SPAG11A: variants seen among roughly 807,000 people sequenced by gnomAD.
The protein encoded by SPAG11A is sperm associated antigen 11A.
A neutral mutation model predicts 5.5 loss-of-function variants in SPAG11A; 2 were observed. The observed-to-expected ratio is 0.37, with a 90% CI of 0.15 to 1.15. The LOEUF is 1.15. Ranked by LOEUF, SPAG11A falls within the 50% of genes most tolerant of loss-of-function variation. The probability of loss-of-function intolerance (pLI) is 0.38; values close to 1 mark genes in which losing one functional copy is unlikely to be tolerated. For missense variants in SPAG11A, 24 were observed against 122.5 expected (o/e 0.20, Z 3.80); for synonymous variants, 11 against 42.7 (o/e 0.26, Z 2.90).
downstream of SPAG11A, among the ~76,000 whole-genome samples, chr8:7,863,213 A>ATTTTT (rs869056010): frequency 0.076 from 570 of 7,546 alleles, 195 homozygotes; most frequent in East Asian, 0.16. Flanking sequence ...TGCAGATGGG[A>ATTTTT]TTTTTTTTTT....
chr8:7,860,506 C>T, intron 2 of SPAG11A, 140 bp from the exon 3 acceptor site: 4 of 1,356,778 alleles, frequency 2.9e-6, no homozygotes, highest in Non-Finnish European at 3.9e-6. Context: ...AGCTAAGAGG[C>T]CAAAGTTCGG....
At chr8:7,854,778 TAA>T (rs1422310560) in intron 2 of SPAG11A, among the ~76,000 whole-genome samples, 5 of 79,032 alleles carry the variant, frequency 6.3e-5, no homozygotes, top group African/African-American at 2.1e-4. Flanking sequence ...TTACAGACGT[TAA>T]AAAAACAAAT....
Position 7,858,185 on chromosome 8 carries a change from C to G in SPAG11A, c.215-2461C>G, listed in dbSNP as rs1405268553. 5.2e-5 allele frequency among the ~76,000 whole-genome samples: 5 copies of G among 96,592 alleles called. 2 individuals carry two copies. Among genetic ancestry groups the G allele is most frequent in the Non-Finnish European group, 7.9e-5 (3 of 37,902 alleles). 63.4% of individuals were successfully genotyped at this position (96,592 alleles called of 152,430 possible). A position where few individuals can be genotyped will look rare whatever the true frequency, so the allele number is the denominator to read the frequency against. ...GAGAGAAGACATCCTTCTCTCTTGC[C>G]CCTTTTGCTTAAGAGAATTTTAAGG... On this transcript the variant is annotated intron_variant, in intron 2 of 2. Coordinates refer to ENST00000642566, the Ensembl canonical transcript of SPAG11A.
At chr8:7,860,177 G>C (rs1479721486) in intron 2 of SPAG11A, among the ~76,000 whole-genome samples, 2 of 148,784 alleles carry the variant, frequency 1.3e-5, no homozygotes, top group African/African-American at 4.9e-5. Flanking sequence ...CAAGCCCACA[G>C]GTCCTGGTGA....
intron 2 of SPAG11A, among the ~76,000 whole-genome samples, chr8:7,858,349 A>G (rs879226616): frequency 4.6e-5 from 5 of 107,576 alleles, no homozygotes; most frequent in Non-Finnish European, 1.1e-4. Context: ...TGTTTTCACA[A>G]CTCCCAGCAC....
At chr8:7,852,604 A>G (rs1447761666) in intron 2 of SPAG11A, among the ~76,000 whole-genome samples, 4 of 152,112 alleles carry the variant, frequency 2.6e-5, no homozygotes, top group East Asian at 1.9e-4. Context: ...AAGTGCTGGA[A>G]TTACAGGCGT....
At chr8:7,852,519 G>C (rs1334249102) in intron 2 of SPAG11A, among the ~76,000 whole-genome samples, 1 of 152,166 alleles carries the variant, frequency 6.6e-6, no homozygotes, top group East Asian at 1.9e-4. Flanking sequence ...TTTTAGTAGA[G>C]ACGGGGTTTC....
chr8:7,862,654 G>A (rs1347917198), downstream of SPAG11A, among the ~76,000 whole-genome samples: 4 of 13,516 alleles, frequency 3.0e-4, no homozygotes, highest in African/African-American at 3.1e-4. Flanking sequence ...GTAAGGCATG[G>A]TAAAAAAACT....
downstream of SPAG11A, among the ~76,000 whole-genome samples, chr8:7,863,211 G>A (rs374112845): frequency 1.3e-4 from 2 of 15,488 alleles, no homozygotes; most frequent in East Asian, 4.1e-3. Context: ...CCTGCAGATG[G>A]GATTTTTTTT....
rs1429827294 is a variant in SPAG11A, at chr8:7,852,268, T to C, written c.214+3425T>C. Reference sequence around the variant, plus strand: ...TCTTTTGTTTATTGATCATTTTTTCTCTTCTGTAAAATTTAATAGTTTTAC... The same window carrying C: ...TCTTTTGTTTATTGATCATTTTTTCCCTTCTGTAAAATTTAATAGTTTTAC... On this transcript the variant is annotated intron_variant, in intron 2 of 2. Transcript: ENST00000642566. Among the ~76,000 whole-genome samples, 4 of 152,354 alleles carry C rather than the reference T, an allele frequency of 2.6e-5. No homozygotes were observed. In the South Asian group the frequency reaches 6.2e-4, roughly 24 times the overall value.
At position 7,860,558 on chromosome 8, in the gene SPAG11A, T is replaced by C; in HGVS notation, c.215-88T>C. ...CCAAAAATACTTAGCCTTGTCAGAA[T>C]ATATAACCCTTGGCAGTGGGCTGGG... On this transcript the variant is annotated intron_variant, in intron 2 of 2. Transcript: ENST00000642566. 13 of 1,370,832 alleles carry C rather than the reference T, an allele frequency of 9.5e-6. 2 individuals carry two copies. The highest frequency in any genetic ancestry group is 1.3e-5 in the Non-Finnish European group (13 of 1,023,576). 84.9% of individuals were successfully genotyped at this position (1,370,832 alleles called of 1,614,324 possible).
chr8:7,859,973 A>T (rs1296881730), intron 2 of SPAG11A, among the ~76,000 whole-genome samples: 1 of 149,494 alleles, frequency 6.7e-6, no homozygotes, highest in Non-Finnish European at 1.5e-5. Flanking sequence ...TGGAGGTTGG[A>T]TGTTGTGCAA....
intron 2 of SPAG11A, among the ~76,000 whole-genome samples, chr8:7,852,611 G>A (rs1240701726): frequency 3.3e-5 from 5 of 152,214 alleles, no homozygotes; most frequent in Admixed American, 2.6e-4. Context: ...GGAATTACAG[G>A]CGTGAGCCAC....
chr8:7,862,032 A>G (rs1311193821), downstream of SPAG11A, among the ~76,000 whole-genome samples: 1 of 103,052 alleles, frequency 9.7e-6, no homozygotes, highest in Non-Finnish European at 2.2e-5. Context: ...TAGAGGGGAG[A>G]GCCATTGTTC....
downstream of SPAG11A, chr8:7,861,125 A>G (rs1345284262): frequency 4.3e-5 from 14 of 327,628 alleles, no homozygotes; most frequent in African/African-American, 2.0e-4. Flanking sequence ...TCAGAGAGAC[A>G]TAAATGCAAC....
exon 3 of SPAG11A, chr8:7,860,883 A>T: frequency 8.7e-7 from 1 of 1,155,228 alleles, no homozygotes. Flanking sequence ...AAGGGCTTAA[A>T]GGAATGTGTG....
downstream of SPAG11A, among the ~76,000 whole-genome samples, chr8:7,862,092 T>C (rs1187258633): frequency 9.1e-6 from 1 of 109,822 alleles, no homozygotes; most frequent in Non-Finnish European, 2.1e-5. Flanking sequence ...CTATTAGCCT[T>C]GGCTGAGAGT....
At chr8:7,852,797 C>G (rs1817985619) in intron 2 of SPAG11A, among the ~76,000 whole-genome samples, 1 of 133,392 alleles carries the variant, frequency 7.5e-6, no homozygotes, top group Non-Finnish European at 1.6e-5. Context: ...AATTTTCATG[C>G]TTTTCCCTTT....
rs570705352 is a variant in SPAG11A, at chr8:7,860,462, A to G, written c.215-184A>G. 2.6e-3 allele frequency: 3,750 copies of G among 1,415,904 alleles called. 205 individuals are homozygous for G. In the African/African-American group the frequency reaches 0.045, roughly 17 times the overall value. The allele number at this position is 1,415,904 out of a possible 1,614,324, so 87.7% of individuals were successfully genotyped here. On this transcript the variant is annotated intron_variant, in intron 2 of 2. Coordinates refer to ENST00000642566, the Ensembl canonical transcript of SPAG11A. ...AACACACCCTATCATCCTCCTGGCA[A>G]CATTTCAGATATAAATTATCGTTCC... is the stretch of plus-strand genomic sequence containing the variant.
Sources: gnomAD v4.1 joint callset for allele counts (sites outside exome capture counted in the v4.1 genomes callset) on GRCh38, gnomAD v4.1.1 for gene constraint, MANE v1.5 for transcripts, NCBI Gene and HGNC (gene_info 2026-07-23, HGNC 2026-07-21) for gene names.